Variants in ZBTB40 observed in about 807,000 individuals in gnomAD.
ZBTB40 encodes the protein zinc finger and BTB domain containing 40.
A neutral mutation model predicts 117.5 loss-of-function variants in ZBTB40; 60 were observed. The observed-to-expected ratio is 0.51, with a 90% CI of 0.41 to 0.63. ZBTB40 has a LOEUF of 0.63. Among genes scored for constraint, ZBTB40 ranks in the 30% least tolerant of loss-of-function variants. The pLI is 0.00. For synonymous variants in ZBTB40, 525 were observed against 577.1 expected (o/e 0.91, Z 1.29); for missense variants, 1,287 against 1,498.5 (o/e 0.86, Z 2.33).
rs1193823031 is a variant in ZBTB40, at chr1:22,489,320, C to T, written c.-69-560C>T. Reference sequence around the variant, plus strand: ...GGCTGCGCTGATGCAGAGGACTCAACCAAGGAGACTGGGAAGGCATGGCTA... The same window carrying T: ...GGCTGCGCTGATGCAGAGGACTCAATCAAGGAGACTGGGAAGGCATGGCTA... On this transcript the variant is annotated intron_variant, in intron 1 of 17. Transcript: ENST00000375647. 3.3e-5 allele frequency among the ~76,000 whole-genome samples: 5 copies of T among 152,064 alleles called. No individual in the cohort carries two copies. In the East Asian group the frequency reaches 7.7e-4, roughly 24 times the overall value.
intron 1 of ZBTB40, among the ~76,000 whole-genome samples, chr1:22,453,451 A>G (rs1342431106): frequency 6.6e-6 from 1 of 152,190 alleles, no homozygotes; most frequent in Non-Finnish European, 1.5e-5. Flanking sequence ...CTGCCCTTCC[A>G]TGGAATTTAA....
At chr1:22,446,688 A>C (rs544366973) in intron 1 of ZBTB40, among the ~76,000 whole-genome samples, 16 of 152,272 alleles carry the variant, frequency 1.1e-4, no homozygotes, top group African/African-American at 3.6e-4. Context: ...GTGGAATTAA[A>C]CTTCAAAAGT....
In ZBTB40 at chr1:22,512,060, A is replaced by C. The variant is rs367958144; in HGVS notation, c.2387A>C (p.Asp796Ala). 7.1e-5 allele frequency: 115 copies of C among 1,613,960 alleles called. 1 individual carries two copies. The South Asian group carries it at 1.2e-3, about 16-fold the overall frequency. Residue 796 changes from aspartate (D) to alanine (A), a missense_variant, in exon 11 of 18, where the codon GAT becomes GCT. Asp to Ala is a moderately radical substitution (Grantham distance 126, BLOSUM62 -2). Coordinates refer to ENST00000375647, the MANE Select transcript of ZBTB40 (RefSeq NM_014870.4). The stretch of plus-strand genomic sequence containing the variant: ...GCCCATGGTGCAGGTGGAGAGCCCG[A>C]TGCCCCCAAGAAGAAGAAGAAGAGG... ...LEAHGAGGEPDAPKKKKKRLP... is the reference protein window; with the variant it reads ...LEAHGAGGEPAAPKKKKKRLP...
intron 1 of ZBTB40, among the ~76,000 whole-genome samples, chr1:22,456,642 T>C (rs1641011521): frequency 6.6e-6 from 1 of 152,224 alleles, no homozygotes; most frequent in Non-Finnish European, 1.5e-5. Flanking sequence ...TGAAACCAGG[T>C]ACTGTTTCAC....
At chr1:22,470,691 A>G (rs762777900) in intron 1 of ZBTB40, among the ~76,000 whole-genome samples, 4 of 152,220 alleles carry the variant, frequency 2.6e-5, no homozygotes, top group Non-Finnish European at 5.9e-5. Context: ...AGACAAAGCA[A>G]TGCAACTATA....
At chr1:22,472,725 C>CT (rs1185526423) in intron 1 of ZBTB40, among the ~76,000 whole-genome samples, 1 of 152,208 alleles carries the variant, frequency 6.6e-6, no homozygotes, top group East Asian at 1.9e-4. Flanking sequence ...TATTTATTGG[C>CT]TGGCTGTACC....
chr1:22,502,360 A>G lies in ZBTB40; in HGVS notation c.1086A>G (p.Ile362Met). ...VLLLEHKEDL[I>M]QCVTQLRPIM... ...TACTAGAACACAAAGAGGACCTGAT[A>G]CAGTGTGTAACACAGCTGAGACCTA... Residue 362 changes from isoleucine (I) to methionine (M), a missense_variant, in exon 5 of 18, where the codon ATA (isoleucine) becomes ATG (methionine). By Grantham distance (10) the Ile-to-Met change is conservative (BLOSUM62 1). Coordinates refer to ENST00000375647, the MANE Select transcript of ZBTB40 (RefSeq NM_014870.4). The G allele has an allele frequency of 6.2e-7, 1 of 1,614,086 alleles. No homozygotes were observed. The highest frequency in any genetic ancestry group is 1.1e-5 in the South Asian group (1 of 91,092).
At chr1:22,433,917 A>C (rs1243186600) in intron 1 of ZBTB40, among the ~76,000 whole-genome samples, 1 of 152,006 alleles carries the variant, frequency 6.6e-6, no homozygotes, top group South Asian at 2.1e-4. Context: ...CTATTTCAGG[A>C]ATCCTTTCAG....
upstream of ZBTB40, among the ~76,000 whole-genome samples, chr1:22,447,953 A>C (rs1251798108): frequency 6.6e-6 from 1 of 152,244 alleles, no homozygotes; most frequent in Admixed American, 6.5e-5. Flanking sequence ...AATAAAAAGC[A>C]TATGTCGAGC....
intron 1 of ZBTB40, among the ~76,000 whole-genome samples, chr1:22,460,846 T>C (rs1247400802): frequency 1.3e-5 from 2 of 152,186 alleles, no homozygotes; most frequent in Non-Finnish European, 1.5e-5. Context: ...AAGACTCTAA[T>C]AGTAGTCTTC....
intron 1 of ZBTB40, among the ~76,000 whole-genome samples, chr1:22,446,025 G>T (rs1483420662): frequency 6.6e-6 from 1 of 152,134 alleles, no homozygotes; most frequent in East Asian, 1.9e-4. Context: ...ATAGATAAAG[G>T]AGACAGCGTG....
rs368386423 is a variant in ZBTB40 at position 22,429,453 on chromosome 1, T to C, written c.-70+439T>C. On this transcript the variant is annotated intron_variant, in intron 1 of 8. Coordinates refer to the ZBTB40 transcript ENST00000650433. ...ATTTGCCTACATTTTTTTTTTCTAA[T>C]AGTTTTATAACTTTGCTTTTTCACA... 9.2e-5 allele frequency among the ~76,000 whole-genome samples: 14 copies of C among 152,272 alleles called. No homozygotes were observed. In the East Asian group the frequency reaches 2.7e-3, roughly 29 times the overall value.
intron 1 of ZBTB40, among the ~76,000 whole-genome samples, chr1:22,444,270 A>G (rs1043435583): frequency 1.8e-4 from 27 of 152,064 alleles, no homozygotes; most frequent in African/African-American, 6.3e-4. Flanking sequence ...ATATATAAAA[A>G]TTAGCTGGGC....
chr1:22,442,468 C>T (rs530607270), intron 1 of ZBTB40, among the ~76,000 whole-genome samples: 23 of 151,844 alleles, frequency 1.5e-4, no homozygotes, highest in African/African-American at 4.8e-4. Flanking sequence ...CAGCCCTGAG[C>T]TTACAAAATG....
intron 1 of ZBTB40, among the ~76,000 whole-genome samples, chr1:22,483,136 A>G (rs757917130): frequency 6.7e-6 from 1 of 150,364 alleles, no homozygotes; most frequent in African/African-American, 2.4e-5. Context: ...TCATGGCTTT[A>G]TGTCTCATAT....
At chr1:22,506,465 TGGCTCAGGA>T (rs1454431239) in intron 6 of ZBTB40, among the ~76,000 whole-genome samples, 1 of 152,240 alleles carries the variant, frequency 6.6e-6, no homozygotes, top group Non-Finnish European at 1.5e-5. Flanking sequence ...GGTGTTCCTG[TGGCTCAGGA>T]TTTATTAACG....
intron 1 of ZBTB40, among the ~76,000 whole-genome samples, chr1:22,445,066 T>G (rs1448401526): frequency 6.6e-6 from 1 of 152,052 alleles, no homozygotes; most frequent in Non-Finnish European, 1.5e-5. Context: ...AGTGCTAACA[T>G]ACTTTGGTGC....
At chr1:22,512,834 G>A in intron 11 of ZBTB40, 90 bp from the exon 12 acceptor site, 1 of 1,465,654 alleles carries the variant, frequency 6.8e-7, no homozygotes, top group South Asian at 1.2e-5. Context: ...GGAGGCCTGG[G>A]CTGAGACAGT....
In ZBTB40 at chr1:22,511,978, AAGG is replaced by A; in HGVS notation, c.2308_2310del (p.Glu770del). Reference sequence around the variant, plus strand: ...GGCTAAGAGCAAACAGGTGCAGTGTAAGGAGTGCAGTGAGACCAAGGATTCAAA... The same window carrying A: ...GGCTAAGAGCAAACAGGTGCAGTGTAAGTGCAGTGAGACCAAGGATTCAAA... On this transcript the variant is annotated inframe_deletion, in exon 11 of 18. Coordinates refer to ENST00000375647, the MANE Select transcript of ZBTB40 (RefSeq NM_014870.4). 6.2e-7 allele frequency: 1 copy of A among 1,614,186 alleles called. No homozygotes were observed. The highest frequency in any genetic ancestry group is 8.5e-7 in the Non-Finnish European group (1 of 1,180,036).
Sources: gnomAD v4.1 joint callset for allele counts (sites outside exome capture counted in the v4.1 genomes callset) on GRCh38, gnomAD v4.1.1 for gene constraint, MANE v1.5 for transcripts, NCBI Gene and HGNC (gene_info 2026-07-23, HGNC 2026-07-21) for gene names.